Variants in AGPS observed in about 807,000 individuals in gnomAD.
The protein encoded by AGPS is alkylglycerone phosphate synthase.
In AGPS, 26 loss-of-function variants were observed where a neutral mutation model predicts 90.7. That is an observed-to-expected ratio of 0.29 (90% CI 0.21 to 0.40). The LOEUF (loss-of-function observed/expected upper bound fraction) is 0.40. Ranked by LOEUF, AGPS falls within the 10% of genes least tolerant of loss-of-function variation. The probability of loss-of-function intolerance (pLI) is 1.00; values close to 1 mark genes in which losing one functional copy is unlikely to be tolerated. For synonymous variants in AGPS, 294 were observed against 285.3 expected, an observed-to-expected ratio of 1.03 and a Z score of -0.31; for missense variants, 540 against 816.1, an observed-to-expected ratio of 0.66 and a Z score of 4.12.
intron 17 of AGPS, among the ~76,000 whole-genome samples, chr2:177,519,304 GTTTC>G (rs1397518122): frequency 1.3e-5 from 2 of 151,944 alleles, no homozygotes; most frequent in African/African-American, 2.4e-5. Context: ...AATATCTTAT[GTTTC>G]TTTGTCAGTC....
chr2:177,519,705 T>G (rs1221883049), intron 17 of AGPS, among the ~76,000 whole-genome samples: 2 of 152,184 alleles, frequency 1.3e-5, no homozygotes, highest in African/African-American at 4.8e-5. Flanking sequence ...TCCAAACAAA[T>G]GATGAGTTCA....
chr2:177,528,648 T>G (rs1010238358), intron 19 of AGPS, among the ~76,000 whole-genome samples: 1 of 152,174 alleles, frequency 6.6e-6, no homozygotes, highest in African/African-American at 2.4e-5. Flanking sequence ...TGAATTAAAT[T>G]TATTGAGGTT....
At chr2:177,521,168 C>A in intron 17 of AGPS, 101 bp from the exon 18 acceptor site, 1 of 1,031,360 alleles carries the variant, frequency 9.7e-7, no homozygotes, top group Non-Finnish European at 1.5e-6. Flanking sequence ...GAGATTATAT[C>A]TTAAACTAAT....
intron 8 of AGPS, among the ~76,000 whole-genome samples, chr2:177,449,501 C>A (rs1025238823): frequency 6.6e-6 from 1 of 152,238 alleles, no homozygotes; most frequent in East Asian, 1.9e-4. Flanking sequence ...TGGCTCACTG[C>A]AGCCTTGACC....
chr2:177,535,708 T>A (rs143177598), intron 19 of AGPS, among the ~76,000 whole-genome samples: 169 of 152,302 alleles, frequency 1.1e-3, no homozygotes, highest in African/African-American at 4.0e-3. Flanking sequence ...ATGTATCCTG[T>A]GAAGTAGTTG....
chr2:177,397,521 T>C (rs553308277), intron 1 of AGPS, among the ~76,000 whole-genome samples: 55 of 151,204 alleles, frequency 3.6e-4, no homozygotes, highest in Non-Finnish European at 5.9e-4. Flanking sequence ...GAAGAAAAAA[T>C]ACCATGTTAA....
At chr2:177,447,019 T>TA (rs1448605241) in intron 8 of AGPS, among the ~76,000 whole-genome samples, 9 of 152,288 alleles carry the variant, frequency 5.9e-5, no homozygotes, top group African/African-American at 2.2e-4. Flanking sequence ...TCCTCAAACA[T>TA]AATCAAGATA....
At chr2:177,521,451 T>G in intron 18 of AGPS, 83 bp downstream of exon 18, 1 of 1,156,886 alleles carries the variant, frequency 8.6e-7, no homozygotes, top group Non-Finnish European at 1.3e-6. Context: ...AATTTTAAGT[T>G]GAGTCTCTTT....
chr2:177,399,762 A>G (rs1311985739), intron 1 of AGPS, among the ~76,000 whole-genome samples: 1 of 152,228 alleles, frequency 6.6e-6, no homozygotes, highest in Non-Finnish European at 1.5e-5. Flanking sequence ...TGCTCATCCC[A>G]GTGGCTCCTT....
At chr2:177,438,746 T>C (rs1686498997) in intron 5 of AGPS, among the ~76,000 whole-genome samples, 1 of 152,232 alleles carries the variant, frequency 6.6e-6, no homozygotes, top group Non-Finnish European at 1.5e-5. Context: ...GGTGTATTCC[T>C]GGCTGAATCA....
At chr2:177,433,475 A>G (rs1018971729) in intron 2 of AGPS, among the ~76,000 whole-genome samples, 1 of 152,212 alleles carries the variant, frequency 6.6e-6, no homozygotes, top group Non-Finnish European at 1.5e-5. Context: ...CGTAGCAACA[A>G]TAGCTGCTTT....
intron 8 of AGPS, among the ~76,000 whole-genome samples, chr2:177,448,588 C>G (rs1314300853): frequency 6.6e-6 from 1 of 152,154 alleles, no homozygotes; most frequent in Non-Finnish European, 1.5e-5. Context: ...TTCTTCTCTT[C>G]AGGAGATGGA....
At chr2:177,513,006 A>G (rs1339456689) in intron 16 of AGPS, among the ~76,000 whole-genome samples, 1 of 151,658 alleles carries the variant, frequency 6.6e-6, no homozygotes, top group Non-Finnish European at 1.5e-5. Flanking sequence ...ACCTTGCCCA[A>G]CTAATTTTTT....
chr2:177,441,197 G>T, intron 6 of AGPS, 161 bp downstream of exon 6: 1 of 654,284 alleles, frequency 1.5e-6, no homozygotes, highest in Non-Finnish European at 2.7e-6. Context: ...GTTCTAAGTA[G>T]GATTCCTTAA....
chr2:177,437,488 C>T (rs1170335160), intron 5 of AGPS, among the ~76,000 whole-genome samples: 1 of 152,016 alleles, frequency 6.6e-6, no homozygotes, highest in African/African-American at 2.4e-5. Flanking sequence ...TATGTTTATG[C>T]ATGCTATGTT....
At chr2:177,495,034 TTAATA>T (rs1325365898) in intron 12 of AGPS, among the ~76,000 whole-genome samples, 1 of 152,194 alleles carries the variant, frequency 6.6e-6, no homozygotes, top group African/African-American at 2.4e-5. Flanking sequence ...GTTAATATTT[TTAATA>T]TAATCTCTAC....
At chr2:177,480,199 C>T (rs568267931) in intron 10 of AGPS, among the ~76,000 whole-genome samples, 1 of 152,126 alleles carries the variant, frequency 6.6e-6, no homozygotes, top group Non-Finnish European at 1.5e-5. Context: ...TAAAAAAATA[C>T]CATTTGACCC....
intron 11 of AGPS, among the ~76,000 whole-genome samples, chr2:177,491,759 TTCC>T (rs1256317449): frequency 1.6e-4 from 6 of 36,702 alleles, no homozygotes; most frequent in African/African-American, 5.1e-4. Flanking sequence ...TATACTTTCC[TTCC>T]CCCCCCCCCC....
chr2:177,492,625 G>A (rs1368733173), intron 11 of AGPS, among the ~76,000 whole-genome samples: 2 of 152,164 alleles, frequency 1.3e-5, no homozygotes, highest in Non-Finnish European at 2.9e-5. Context: ...TGATAAAGCT[G>A]TGTGTGCATG....
Sources: allele counts gnomAD v4.1 joint callset (sites outside exome capture counted in the v4.1 genomes callset), GRCh38; gene constraint gnomAD v4.1.1; transcripts MANE v1.5; gene names NCBI Gene and HGNC (gene_info 2026-07-23, HGNC 2026-07-21).